STK3: variants seen among roughly 807,000 people sequenced by gnomAD.
STK3 encodes the protein serine/threonine-protein kinase 3.
A neutral mutation model predicts 58.0 loss-of-function variants in STK3; 41 were observed. The observed-to-expected ratio is 0.71, with a 90% confidence interval of 0.55 to 0.92. STK3 has a LOEUF of 0.92. Ranked by LOEUF, STK3 falls within the 40% of genes least tolerant of loss-of-function variation. The pLI, the probability that STK3 is intolerant of heterozygous loss-of-function variation, is 0.00. For missense variants in STK3, 479 were observed against 602.7 expected (o/e 0.79, Z 2.15); for synonymous variants, 170 against 191.0 (o/e 0.89, Z 0.91).
At chr8:98,422,800 G>A (rs1421053308) in intron 3 of STK3, among the ~76,000 whole-genome samples, 12 of 152,128 alleles carry the variant, frequency 7.9e-5, no homozygotes, top group Non-Finnish European at 1.5e-5. Context: ...CACAGCTCTC[G>A]ATCCGCACCC....
intron 7 of STK3, among the ~76,000 whole-genome samples, chr8:98,587,538 T>G (rs562817933): frequency 6.6e-6 from 1 of 152,156 alleles, no homozygotes; most frequent in African/African-American, 2.4e-5. Context: ...AATTTTGGAA[T>G]AGGAGTGGTG....
At chr8:98,622,135 T>C in intron 6 of STK3, among the ~76,000 whole-genome samples, 1 of 140,694 alleles carries the variant, frequency 7.1e-6, no homozygotes, top group East Asian at 2.1e-4. Flanking sequence ...ATTAGCTGAG[T>C]GTGGTGGTGC....
chr8:98,797,394 AG>A (rs1292755364), intron 1 of STK3, among the ~76,000 whole-genome samples: 5 of 152,168 alleles, frequency 3.3e-5, no homozygotes. Flanking sequence ...ATCATGTGCA[AG>A]GATTGGAAGA....
intron 3 of STK3, among the ~76,000 whole-genome samples, chr8:98,875,018 A>G (rs1837518471): frequency 6.6e-6 from 1 of 152,188 alleles, no homozygotes; most frequent in Non-Finnish European, 1.5e-5. Flanking sequence ...CATGACAACT[A>G]TCCATTACCC....
At chr8:98,479,899 A>T (rs1199914962) in intron 10 of STK3, among the ~76,000 whole-genome samples, 2 of 152,192 alleles carry the variant, frequency 1.3e-5, no homozygotes, top group African/African-American at 4.8e-5. Flanking sequence ...CTAGAAATAT[A>T]ACAACAACAA....
intron 6 of STK3, among the ~76,000 whole-genome samples, chr8:98,655,942 T>C (rs1349724334): frequency 6.6e-6 from 1 of 152,186 alleles, no homozygotes; most frequent in Admixed American, 6.5e-5. Flanking sequence ...TCCTCAGGGA[T>C]CTAGAACTAG....
the STK3 span, among the ~76,000 whole-genome samples, chr8:98,364,954 G>A: frequency 1.6e-5 from 2 of 124,398 alleles, no homozygotes; most frequent in Admixed American, 1.7e-4. Context: ...CGGAGTTTCC[G>A]TTTTTACTGG....
intron 6 of STK3, among the ~76,000 whole-genome samples, chr8:98,606,989 TG>T (rs1183497667): frequency 1.3e-5 from 2 of 152,182 alleles, no homozygotes; most frequent in Non-Finnish European, 2.9e-5. Context: ...AGAGTGGTCA[TG>T]TTGGGGATCA....
intron 3 of STK3, among the ~76,000 whole-genome samples, chr8:98,875,989 A>G (rs1398017321): frequency 6.6e-6 from 1 of 152,202 alleles, no homozygotes; most frequent in Non-Finnish European, 1.5e-5. Flanking sequence ...TCAAAGGCAA[A>G]GGACCCTATT....
chr8:98,926,405 CAT>C (rs1839797902), intron 1 of STK3, among the ~76,000 whole-genome samples: 2 of 152,152 alleles, frequency 1.3e-5, no homozygotes, highest in South Asian at 4.1e-4. Context: ...TTAATGCAAA[CAT>C]ATGGAATACG....
At chr8:98,556,650 A>G (rs1811610650) in intron 8 of STK3, among the ~76,000 whole-genome samples, 1 of 152,104 alleles carries the variant, frequency 6.6e-6, no homozygotes, top group Admixed American at 6.6e-5. Context: ...GGAGCCCAGC[A>G]TAAGTTGCTT....
chr8:98,581,834 G>A (rs187476348), intron 7 of STK3, among the ~76,000 whole-genome samples: 97 of 151,878 alleles, frequency 6.4e-4, no homozygotes, highest in African/African-American at 2.1e-3. Context: ...ACCTTTTAGA[G>A]TCTTTTTATG....
At chr8:98,905,140 A>C in intron 1 of STK3, 1 of 1,439,920 alleles carries the variant, frequency 6.9e-7, no homozygotes, top group Non-Finnish European at 9.7e-7. Flanking sequence ...TCTACTGGGC[A>C]CTCTTTGGAC....
At chr8:98,805,343 G>A (rs1801742870) in intron 1 of STK3, among the ~76,000 whole-genome samples, 1 of 152,156 alleles carries the variant, frequency 6.6e-6, no homozygotes, top group African/African-American at 2.4e-5. Context: ...ACTTTGGGAG[G>A]CCGAGGCGGG....
At chr8:98,858,313 TATATATATATAG>T (rs1161296376) in intron 3 of STK3, among the ~76,000 whole-genome samples, 14 of 64,754 alleles carry the variant, frequency 2.2e-4, no homozygotes, top group African/African-American at 6.8e-4. Flanking sequence ...TATATATATA[TATATATATATAG>T]AGAGAGAGAG....
At chr8:98,517,202 T>C (rs1202437154) in intron 10 of STK3, among the ~76,000 whole-genome samples, 1 of 152,112 alleles carries the variant, frequency 6.6e-6, no homozygotes, top group East Asian at 1.9e-4. Context: ...CCTTAAGGTC[T>C]GTCTATCGTT....
At chr8:98,774,937 A>G in intron 1 of STK3, 118 bp from the exon 2 acceptor site, 1 of 613,930 alleles carries the variant, frequency 1.6e-6, no homozygotes, top group Non-Finnish European at 2.6e-6. Flanking sequence ...AGAAGACTCA[A>G]ACAATATAAA....
intron 6 of STK3, among the ~76,000 whole-genome samples, chr8:98,596,682 T>C (rs1393328043): frequency 6.6e-6 from 1 of 152,086 alleles, no homozygotes; most frequent in Non-Finnish European, 1.5e-5. Context: ...AAATTTCAAA[T>C]GAAAAATTTC....
intron 9 of STK3, among the ~76,000 whole-genome samples, chr8:98,532,878 C>G (rs142523467): frequency 6.6e-6 from 1 of 152,248 alleles, no homozygotes; most frequent in East Asian, 1.9e-4. Context: ...CATTTTACTT[C>G]CTGTTTTTAT....
Sources: gnomAD v4.1 joint callset for allele counts (sites outside exome capture counted in the v4.1 genomes callset) on GRCh38, gnomAD v4.1.1 for gene constraint, MANE v1.5 for transcripts, NCBI Gene and HGNC (gene_info 2026-07-23, HGNC 2026-07-21) for gene names.